The following CACNA1S variants were observed in gnomAD, a reference collection of about 807,000 sequenced individuals.
CACNA1S encodes the protein calcium voltage-gated channel subunit alpha1 S, also known as voltage-dependent L-type calcium channel subunit alpha-1S.
In CACNA1S, 126 loss-of-function variants were observed where a neutral mutation model predicts 207.4. The ratio of observed to expected loss-of-function variants is 0.61; its 90% CI spans 0.53 to 0.70. The LOEUF is 0.70. Ranked by LOEUF, CACNA1S falls within the 30% of genes least tolerant of loss-of-function variation. CACNA1S has a pLI of 0.00. For synonymous variants in CACNA1S, 960 were observed against 932.7 expected (o/e 1.03, Z -0.53); for missense variants, 2,349 against 2,422.8 (o/e 0.97, Z 0.64).
chr1:201,041,703 GTGTAGCAGCCGTGAC>G (rs1349621243), intron 40 of CACNA1S, 114 bp from the exon 41 acceptor site: 1 of 785,782 alleles, frequency 1.3e-6, no homozygotes. Flanking sequence ...GGCCAACCTA[GTGTAGCAGCCGTGAC>G]TCTAGGGCTG....
At chr1:201,096,984 C>T (rs1223759826) in intron 2 of CACNA1S, among the ~76,000 whole-genome samples, 1 of 152,190 alleles carries the variant, frequency 6.6e-6, no homozygotes. Flanking sequence ...TCCTGATAAA[C>T]CTGCTCTTTT....
At chr1:201,043,672 G>T (rs1660374332) in intron 39 of CACNA1S, 141 bp from the exon 40 acceptor site, 4 of 760,248 alleles carry the variant, frequency 5.3e-6, no homozygotes, top group African/African-American at 5.2e-5. Flanking sequence ...TGGACTGAGT[G>T]GTGAGATCAA....
chr1:201,088,464 A>G (rs1172846495), intron 6 of CACNA1S, among the ~76,000 whole-genome samples: 1 of 152,126 alleles, frequency 6.6e-6, no homozygotes, highest in Non-Finnish European at 1.5e-5. Context: ...CTTACAATAA[A>G]TATTTGTACT....
chr1:201,058,628 C>T lies in CACNA1S; in HGVS notation c.3526-137G>A. ...CCAAGGTGGGGTGCCCATGACTCCA[C>T]CTCCCACTGGTGCTCCAGTGGGCTC... is the stretch of plus-strand genomic sequence containing the variant. On this transcript the variant is annotated intron_variant, in intron 27 of 43. Transcript: ENST00000362061. 4.2e-6 allele frequency: 3 copies of T among 712,984 alleles called. No homozygotes were observed. In the South Asian group the frequency reaches 4.5e-5, roughly 11 times the overall value. The allele number at this position is 712,984 out of a possible 1,614,324, so 44.2% of individuals were successfully genotyped here.
intron 2 of CACNA1S, among the ~76,000 whole-genome samples, chr1:201,096,945 A>G (rs1662455405): frequency 6.6e-6 from 1 of 152,014 alleles, no homozygotes; most frequent in Non-Finnish European, 1.5e-5. Flanking sequence ...CCCACCTCAC[A>G]CTCAGTATGT....
At chr1:201,076,497 T>C (rs1661629131) in intron 12 of CACNA1S, among the ~76,000 whole-genome samples, 1 of 152,242 alleles carries the variant, frequency 6.6e-6, no homozygotes, top group South Asian at 2.1e-4. Flanking sequence ...GAATCGGCTG[T>C]GCCGCCCCTG....
In CACNA1S at chr1:201,112,200, A is replaced by C; in HGVS notation, c.140T>G (p.Ile47Ser). 1 of 1,613,060 alleles carries C rather than the reference A, an allele frequency of 6.2e-7. No individual in the cohort carries two copies. Among genetic ancestry groups the C allele is most frequent in the Admixed American group, 1.7e-5 (1 of 59,970 alleles). The change falls in exon 1 of 44, where the codon ATT (isoleucine) becomes AGT (serine). Residue 47 changes from isoleucine (I) to serine (S), a missense_variant. Coordinates refer to ENST00000362061, the MANE Select transcript of CACNA1S (RefSeq NM_000069.3). ...CCCTGAAGGATACTTCCATTCTACA[A>C]TGCTGATGCAGGCCTTCCTCAGGGG... ...ENPLRKACISIVEWKPFETII... is the reference protein window; with the variant it reads ...ENPLRKACISSVEWKPFETII...
Position 201,078,081 on chromosome 1 carries a change from A to G in CACNA1S, c.1417T>C (p.Ser473Pro). Residue 473 changes from serine to proline, a missense_variant, in exon 11 of 44, where the codon TCC becomes CCC. Coordinates refer to ENST00000362061, the MANE Select transcript of CACNA1S (RefSeq NM_000069.3). ...ATCAGCATCTCAGTGGTGAAGAGGG[A>G]CAGCAGCACCCGGTTGGCAATGTCT... ...LQDIANRVLL[S>P]LFTTEMLMKM... 6.2e-7 allele frequency: 1 copy of G among 1,614,162 alleles called. No homozygotes were observed. The highest frequency in any genetic ancestry group is 8.5e-7 in the Non-Finnish European group (1 of 1,179,992).
intron 9 of CACNA1S, among the ~76,000 whole-genome samples, chr1:201,084,604 T>C (rs1265089530): frequency 6.6e-6 from 1 of 152,174 alleles, no homozygotes; most frequent in African/African-American, 2.4e-5. Flanking sequence ...ACTTTCCCTC[T>C]TCCCTCGCAG....
intron 34 of CACNA1S, 122 bp downstream of exon 34, chr1:201,050,267 G>A (rs1660606200): frequency 9.2e-7 from 1 of 1,090,886 alleles, no homozygotes; most frequent in African/African-American, 1.5e-5. Flanking sequence ...TGAGACCTCA[G>A]ATAAATGAAG....
intron 24 of CACNA1S, 41 bp downstream of exon 24, chr1:201,061,903 G>T (rs752828064): frequency 1.1e-5 from 18 of 1,612,632 alleles, no homozygotes; most frequent in Middle Eastern, 1.6e-4. Flanking sequence ...GGTCCTACCT[G>T]ACCATGTCCA....
chr1:201,075,049 A>G (rs570556922), intron 13 of CACNA1S, among the ~76,000 whole-genome samples: 2 of 152,092 alleles, frequency 1.3e-5, no homozygotes, highest in South Asian at 2.1e-4. Flanking sequence ...CCTTACCCTC[A>G]TATCTGCTCC....
Position 201,052,567 on chromosome 1 carries a change from G to A in CACNA1S, c.3943C>T (p.Leu1315=), listed in dbSNP as rs1262731998. 1.9e-6 allele frequency: 3 copies of A among 1,613,324 alleles called. No homozygotes were observed. In the Admixed American group the frequency reaches 5.0e-5, roughly 27 times the overall value. ...GCGGGAGACGCGTGCCTGAAGAGCA[G>A]TAGCACAGCTTGTGGGAAGGTCTGG... is the stretch of plus-strand genomic sequence containing the variant. ...NFQTFPQAVL[L]LFRCATGEAW... is the part of the protein sequence containing the mutation. Residue 1315 remains leucine (L), a synonymous_variant, in exon 32 of 44, where the codon CTG becomes TTG. Coordinates refer to ENST00000362061, the MANE Select transcript of CACNA1S (RefSeq NM_000069.3).
At chr1:201,073,522 T>C (rs1272988753) in intron 15 of CACNA1S, 27 bp downstream of exon 15, 1 of 1,574,492 alleles carries the variant, frequency 6.4e-7, no homozygotes, top group Admixed American at 1.7e-5. Context: ...CTAGACTGCC[T>C]CTAACATCCC....
At chr1:201,050,578 G>A in intron 33 of CACNA1S, 62 bp from the exon 34 acceptor site, 1 of 1,604,290 alleles carries the variant, frequency 6.2e-7, no homozygotes. Context: ...GTTAGGGTGG[G>A]GGAGCTGGGA....
In CACNA1S at chr1:201,089,402, G is replaced by A. The variant is rs756614304; in HGVS notation, c.756C>T (p.Arg252=). ...ACTCACTGCCATTGATGGTGCACCGGCGCCCTGAGCCCGTCCTGGCGCAGG... is the reference window on the plus strand; with the variant it reads ...ACTCACTGCCATTGATGGTGCACCGACGCCCTGAGCCCGTCCTGGCGCAGG... The part of the protein sequence containing the change: ...PSPCARTGSG[R]RCTINGSECR... The change falls in exon 6 of 44, where the codon CGC becomes CGT. Residue 252 remains arginine, a synonymous_variant. Transcript: ENST00000362061. 2.5e-6 allele frequency: 4 copies of A among 1,614,048 alleles called. No individual in the cohort carries two copies. The highest frequency in any genetic ancestry group is 3.4e-6 in the Non-Finnish European group (4 of 1,180,040).
intron 15 of CACNA1S, 99 bp from the exon 16 acceptor site, chr1:201,072,923 A>C: frequency 2.3e-6 from 2 of 880,506 alleles, no homozygotes; most frequent in Non-Finnish European, 1.9e-6. Context: ...CAGCTCACTT[A>C]ATCATCCCTA....
At chr1:201,107,509 C>G (rs891310460) in intron 2 of CACNA1S, among the ~76,000 whole-genome samples, 1 of 152,238 alleles carries the variant, frequency 6.6e-6, no homozygotes, top group Non-Finnish European at 1.5e-5. Flanking sequence ...ATTTGGTTCA[C>G]AGTGATATCC....
Position 201,087,915 on chromosome 1 carries a change from G to C in CACNA1S, c.915C>G (p.Ile305Met), listed in dbSNP as rs376517944. 6.2e-7 allele frequency: 1 copy of C among 1,611,674 alleles called. No homozygotes were observed. The highest frequency in any genetic ancestry group is 8.5e-7 in the Non-Finnish European group (1 of 1,178,172). ...TDVLYWVNDA[I>M]GNEWPWIYFV... ...AATAGATCCAGGGCCACTCATTCCC[G>C]ATGGCATCATTGACCTGGTCAGGAC... Residue 305 changes from isoleucine to methionine, a missense_variant, in exon 7 of 44, where the codon ATC becomes ATG. By Grantham distance (10) the Ile-to-Met change is conservative. Transcript: ENST00000362061.
Sources: gnomAD v4.1 joint callset for allele counts (sites outside exome capture counted in the v4.1 genomes callset) on GRCh38, gnomAD v4.1.1 for gene constraint, MANE v1.5 for transcripts, NCBI Gene and HGNC (gene_info 2026-07-23, HGNC 2026-07-21) for gene names.